Variants in EDNRB observed in about 807,000 individuals in gnomAD.
EDNRB encodes the protein endothelin receptor type B, also known as Hirschsprung disease 2.
Under a neutral mutation model 46.4 loss-of-function variants are expected in EDNRB, and 18 were observed. The ratio of observed to expected loss-of-function variants is 0.39; its 90% CI spans 0.27 to 0.57. The LOEUF is 0.57. EDNRB is among the 20% of genes least tolerant of loss of function. The probability of loss-of-function intolerance (pLI) is 0.61; values close to 1 mark genes in which losing one functional copy is unlikely to be tolerated. For missense variants in EDNRB, 434 were observed against 537.5 expected (o/e 0.81, Z 1.90); for synonymous variants, 213 against 204.9 (o/e 1.04, Z -0.34).
At chr13:77,935,741 G>C (rs1880542510) in intron 1 of EDNRB, among the ~76,000 whole-genome samples, 1 of 152,166 alleles carries the variant, frequency 6.6e-6, no homozygotes, top group Non-Finnish European at 1.5e-5. Context: ...TGGGTGTCAG[G>C]GTCAGTCCAG....
chr13:77,920,801 A>G (rs984133761), upstream of EDNRB, among the ~76,000 whole-genome samples: 1 of 152,194 alleles, frequency 6.6e-6, no homozygotes, highest in Admixed American at 6.5e-5. Flanking sequence ...ACAATATACA[A>G]TGTTGTCTGA....
intron 1 of EDNRB, among the ~76,000 whole-genome samples, chr13:77,913,419 C>T (rs987866233): frequency 6.6e-6 from 1 of 152,118 alleles, no homozygotes; most frequent in Non-Finnish European, 1.5e-5. Flanking sequence ...TCTAGCTCTC[C>T]ATCACCACTG....
chr13:77,928,915 C>T (rs1379770166), intron 1 of EDNRB, among the ~76,000 whole-genome samples: 1 of 152,188 alleles, frequency 6.6e-6, no homozygotes, highest in African/African-American at 2.4e-5. Context: ...ACTTTTAAAT[C>T]ATTTTTTATA....
intron 1 of EDNRB, among the ~76,000 whole-genome samples, chr13:77,951,415 G>C (rs1401644632): frequency 6.6e-6 from 1 of 152,122 alleles, no homozygotes; most frequent in Admixed American, 6.6e-5. Context: ...GGCTGTAGCT[G>C]TTAAATATCA....
chr13:77,945,721 CTCTGGCACCTACAGCTATAGCAAATAT>C (rs1419205358), intron 1 of EDNRB, among the ~76,000 whole-genome samples: 1 of 152,012 alleles, frequency 6.6e-6, no homozygotes, highest in African/African-American at 2.4e-5. Context: ...AATTGGAAGC[CTCTGGCACCTACAGCTATAGCAAATAT>C]TAAGCCCAGC....
intron 1 of EDNRB, among the ~76,000 whole-genome samples, chr13:77,943,394 C>G (rs1880807756): frequency 6.6e-6 from 1 of 152,116 alleles, no homozygotes. Context: ...TTTCATCTCT[C>G]TCTTTATAAT....
intron 3 of EDNRB, among the ~76,000 whole-genome samples, chr13:77,901,698 T>C (rs1878994984): frequency 6.6e-6 from 1 of 152,032 alleles, no homozygotes; most frequent in Non-Finnish European, 1.5e-5. Flanking sequence ...AGACAAAATC[T>C]GCTTTTGACT....
intron 1 of EDNRB, among the ~76,000 whole-genome samples, chr13:77,955,891 ATCT>A (rs1447944624): frequency 6.7e-6 from 1 of 148,834 alleles, no homozygotes; most frequent in Non-Finnish European, 1.5e-5. Flanking sequence ...CTATCTATCT[ATCT>A]ATTTTTATGC....
At position 77,896,085 on chromosome 13, in the gene EDNRB, T is replaced by C. The variant is rs1178943219; in HGVS notation, c.*2115A>G. The C allele has an allele frequency of 6.5e-6, 1 of 154,322 alleles. No homozygotes were observed. The highest frequency in any genetic ancestry group is 1.4e-5 in the Non-Finnish European group (1 of 69,750). The allele number at this position is 154,322 out of a possible 1,614,324, so 9.6% of individuals were successfully genotyped here. On this transcript the variant is annotated 3_prime_UTR_variant, in exon 7 of 7. Transcript: ENST00000646607. The stretch of plus-strand genomic sequence containing the variant: ...CTTACTTATCAGTATGTTAAAGTTT[T>C]GAATCAAACATTTTTTTAAAAAGCC...
Position 77,951,665 on chromosome 13 carries a change from A to G in EDNRB, c.-52+23682T>C, listed in dbSNP as rs1201288618. The stretch of plus-strand genomic sequence containing the variant: ...AGCCCGTGGTGTCAAACCCGTTCTT[A>G]GCCAAAAGGGACTTTACTGAGAGGG... On this transcript the variant is annotated intron_variant, in intron 1 of 7. Transcript: ENST00000646948. Among the ~76,000 whole-genome samples the G allele has an allele frequency of 2.0e-5, 3 of 152,336 alleles. No homozygotes were observed. In the East Asian group the frequency reaches 5.8e-4, roughly 29 times the overall value.
At chr13:77,917,330 A>C (rs1472836749) in intron 1 of EDNRB, among the ~76,000 whole-genome samples, 1 of 152,180 alleles carries the variant, frequency 6.6e-6, no homozygotes, top group African/African-American at 2.4e-5. Context: ...TCCTTGGCCC[A>C]CTGTAGATAT....
chr13:77,898,364 T>G, intron 6 of EDNRB, 30 bp from the exon 7 acceptor site: 1 of 1,610,338 alleles, frequency 6.2e-7, no homozygotes, highest in Non-Finnish European at 8.5e-7. Flanking sequence ...TCATTATATG[T>G]TAACATCAGT....
intron 1 of EDNRB, among the ~76,000 whole-genome samples, chr13:77,932,048 T>TAAAAA (rs5804946): frequency 6.9e-6 from 1 of 144,012 alleles, no homozygotes; most frequent in Admixed American, 6.9e-5. Context: ...GGTGAATTAT[T>TAAAAA]AAAAAAAAAA....
chr13:77,965,000 C>A (rs1398009144), intron 1 of EDNRB, among the ~76,000 whole-genome samples: 1 of 152,066 alleles, frequency 6.6e-6, no homozygotes, highest in African/African-American at 2.4e-5. Flanking sequence ...AAGTAAGTAC[C>A]ATTAGTTATG....
At chr13:77,966,638 G>A (rs897912681) in intron 1 of EDNRB, among the ~76,000 whole-genome samples, 3 of 152,138 alleles carry the variant, frequency 2.0e-5, no homozygotes, top group Non-Finnish European at 1.5e-5. Flanking sequence ...ATATCCCACG[G>A]ATGTCCTTTT....
chr13:77,918,747 T>G lies in EDNRB; in HGVS notation c.-174A>C. 4.5e-6 allele frequency: 6 copies of G among 1,325,626 alleles called. No individual in the cohort carries two copies. Among genetic ancestry groups the G allele is most frequent in the Non-Finnish European group, 5.8e-6 (6 of 1,042,432 alleles). 82.1% of individuals were successfully genotyped at this position (1,325,626 alleles called of 1,614,324 possible). On this transcript the variant is annotated 5_prime_UTR_variant, in exon 1 of 7. Transcript: ENST00000646607. This position sits in a 1 kb window ranked among gnomAD's most constrained non-coding sequence, Gnocchi z 4.5. The stretch of plus-strand genomic sequence containing the variant: ...ATCCACGCTCAAAAGTAACTCAAGT[T>G]TGCGCGCCAGTGGGAAACTTGGCGC...
intron 1 of EDNRB, among the ~76,000 whole-genome samples, chr13:77,935,059 C>T (rs1279080584): frequency 1.3e-5 from 2 of 151,044 alleles, no homozygotes; most frequent in South Asian, 2.1e-4. Flanking sequence ...AGAGTGAGTA[C>T]AGCTGAAGGA....
chr13:77,918,771 G>T lies in EDNRB; in HGVS notation c.-198C>A. 1 of 1,335,018 alleles carries T rather than the reference G, an allele frequency of 7.5e-7. No homozygotes were observed. Among genetic ancestry groups the T allele is most frequent in the Non-Finnish European group, 9.5e-7 (1 of 1,048,888 alleles). 82.7% of individuals were successfully genotyped at this position (1,335,018 alleles called of 1,614,324 possible). A position where few individuals can be genotyped will look rare whatever the true frequency, so the allele number is the denominator to read the frequency against. ...TTTGCGCGCCAGTGGGAAACTTGGC[G>T]CTCATGACTCGCCAGCGCGGGTCGA... On this transcript the variant is annotated 5_prime_UTR_variant, in exon 1 of 7. Coordinates refer to ENST00000646607, the MANE Select transcript of EDNRB (RefSeq NM_001122659.3). The surrounding 1 kb of genome is among the most constrained non-coding windows in gnomAD (Gnocchi z 4.5).
intron 1 of EDNRB, among the ~76,000 whole-genome samples, chr13:77,963,114 T>G (rs976498934): frequency 4.6e-5 from 7 of 152,026 alleles, no homozygotes; most frequent in South Asian, 2.1e-4. Context: ...CTCAACGAAA[T>G]AAAAGAGGAC....
Sources: gnomAD v4.1 joint callset for allele counts (sites outside exome capture counted in the v4.1 genomes callset) on GRCh38, gnomAD v4.1.1 for gene constraint, Gnocchi (gnomAD v3.1) non-coding constraint, MANE v1.5 for transcripts, NCBI Gene and HGNC (gene_info 2026-07-23, HGNC 2026-07-21) for gene names.